The following C11orf65 variants were observed in gnomAD, a reference collection of about 807,000 sequenced individuals.
C11orf65 encodes the protein chromosome 11 open reading frame 65.
C11orf65 carries 38 observed loss-of-function variants against 35.3 expected under a neutral mutation model. That is an observed-to-expected ratio of 1.08 (90% CI 0.83 to 1.41). The LOEUF (loss-of-function observed/expected upper bound fraction) is 1.41, where lower values mean the gene tolerates loss of function less well. Ranked by LOEUF, C11orf65 falls within the 40% of genes most tolerant of loss-of-function variation. C11orf65 has a pLI of 0.00. For missense variants in C11orf65, 370 were observed against 367.1 expected (o/e 1.01, Z -0.06); for synonymous variants, 105 against 114.4 (o/e 0.92, Z 0.53).
chr11:108,326,011 G>A (rs763159103), intron 6 of C11orf65: 2 of 1,587,086 alleles, frequency 1.3e-6, no homozygotes, highest in Non-Finnish European at 1.7e-6. Flanking sequence ...CATGGTAGTA[G>A]TATCAGTAGT....
At chr11:108,350,637 C>T (rs1462324529) in intron 2 of C11orf65, among the ~76,000 whole-genome samples, 1 of 152,064 alleles carries the variant, frequency 6.6e-6, no homozygotes, top group Non-Finnish European at 1.5e-5. Flanking sequence ...CAACATTCAG[C>T]GAATGTGAGA....
chr11:108,445,041 G>A (rs951358867), intron 2 of C11orf65, among the ~76,000 whole-genome samples: 3 of 152,238 alleles, frequency 2.0e-5, no homozygotes, highest in Non-Finnish European at 4.4e-5. Context: ...CTGCAAGGCA[G>A]CAGCAAGGCT....
intron 6 of C11orf65, among the ~76,000 whole-genome samples, chr11:108,395,761 C>T (rs1281308333): frequency 3.3e-5 from 5 of 151,312 alleles, no homozygotes; most frequent in African/African-American, 1.2e-4. Flanking sequence ...GCTGGGACTA[C>T]AGGCGCCTGC....
chr11:108,456,922 A>G (rs939629565), intron 2 of C11orf65, among the ~76,000 whole-genome samples: 1 of 152,224 alleles, frequency 6.6e-6, no homozygotes, highest in Non-Finnish European at 1.5e-5. Flanking sequence ...TATTCAACAC[A>G]TATAGTATTT....
intron 1 of C11orf65, among the ~76,000 whole-genome samples, chr11:108,466,763 G>A (rs2093544334): frequency 6.6e-6 from 1 of 151,808 alleles, no homozygotes; most frequent in Non-Finnish European, 1.5e-5. Flanking sequence ...TTATTTTTAC[G>A]CTTCGTGGAA....
At chr11:108,368,829 AT>A (rs2138046490) in intron 2 of C11orf65, 1 of 203,844 alleles carries the variant, frequency 4.9e-6, no homozygotes, top group Non-Finnish European at 1.0e-5. Context: ...CCTAAAATGT[AT>A]GCACTTAGGA....
chr11:108,469,079 C>T (rs1033959164), upstream of C11orf65, among the ~76,000 whole-genome samples: 7 of 151,498 alleles, frequency 4.6e-5, no homozygotes, highest in Non-Finnish European at 8.8e-5. Flanking sequence ...CTCCTGGTGG[C>T]GCGCTGCCTG....
At chr11:108,463,264 G>T (rs573648489) in intron 1 of C11orf65, among the ~76,000 whole-genome samples, 1 of 152,168 alleles carries the variant, frequency 6.6e-6, no homozygotes, top group South Asian at 2.1e-4. Flanking sequence ...AGGCTAAACA[G>T]AAAACTTTCA....
chr11:108,455,832 A>AAC (rs1186911739), intron 2 of C11orf65, among the ~76,000 whole-genome samples: 1 of 149,672 alleles, frequency 6.7e-6, no homozygotes, highest in African/African-American at 2.5e-5. Context: ...AAAAAAAAAA[A>AAC]AAAAAAAACA....
chr11:108,358,383 C>T (rs2090290694), intron 2 of C11orf65, among the ~76,000 whole-genome samples: 1 of 147,020 alleles, frequency 6.8e-6, no homozygotes, highest in African/African-American at 2.5e-5. Context: ...AGGATATTAT[C>T]CAGGAGAACT....
At chr11:108,455,584 G>A (rs139179319) in intron 2 of C11orf65, among the ~76,000 whole-genome samples, 1,670 of 151,666 alleles carry the variant, frequency 0.011, 39 homozygotes, top group African/African-American at 0.038. Context: ...TTGGGAGGTC[G>A]AGGCGGGCGG....
intron 2 of C11orf65, among the ~76,000 whole-genome samples, chr11:108,370,541 T>G (rs929547904): frequency 1.3e-5 from 2 of 149,580 alleles, no homozygotes; most frequent in African/African-American, 5.1e-5. Context: ...TATTGGGACA[T>G]TCTAGTCCTG....
At chr11:108,422,638 C>T (rs2092835882) in intron 3 of C11orf65, among the ~76,000 whole-genome samples, 1 of 152,088 alleles carries the variant, frequency 6.6e-6, no homozygotes, top group Non-Finnish European at 1.5e-5. Flanking sequence ...AATCCCAGCA[C>T]TTTGGGAGGC....
intron 2 of C11orf65, among the ~76,000 whole-genome samples, chr11:108,337,793 T>C (rs1197472884): frequency 6.6e-6 from 1 of 152,246 alleles, no homozygotes; most frequent in Non-Finnish European, 1.5e-5. Flanking sequence ...TACCAAACTT[T>C]TAGATGACAA....
At chr11:108,468,420 T>A (rs1311121943), upstream of C11orf65, among the ~76,000 whole-genome samples, 1 of 152,246 alleles carries the variant, frequency 6.6e-6, no homozygotes, top group East Asian at 1.9e-4. Context: ...AGTGCTTTAG[T>A]TGGTCACAGA....
chr11:108,453,628 G>T (rs1171036235), intron 2 of C11orf65, among the ~76,000 whole-genome samples: 2 of 152,164 alleles, frequency 1.3e-5, no homozygotes, highest in Admixed American at 1.3e-4. Flanking sequence ...TGTTCTTTCA[G>T]ACAAGAAGTA....
intron 1 of C11orf65, among the ~76,000 whole-genome samples, chr11:108,464,421 C>T (rs1312077453): frequency 6.6e-6 from 1 of 150,450 alleles, no homozygotes; most frequent in African/African-American, 2.4e-5. Context: ...CTTAGCCTCC[C>T]CGCGATTTCC....
intron 3 of C11orf65, among the ~76,000 whole-genome samples, chr11:108,421,593 G>A (rs984288888): frequency 2.6e-5 from 4 of 152,128 alleles, no homozygotes; most frequent in African/African-American, 9.7e-5. Flanking sequence ...GGGAGGCGAA[G>A]GTTGCAGTGA....
At chr11:108,432,997 T>C (rs750145924) in intron 2 of C11orf65, among the ~76,000 whole-genome samples, 5 of 152,114 alleles carry the variant, frequency 3.3e-5, no homozygotes, top group Non-Finnish European at 7.3e-5. Flanking sequence ...GACTCATACA[T>C]GTGGCCTTAG....
Sources: allele counts gnomAD v4.1 joint callset (sites outside exome capture counted in the v4.1 genomes callset), GRCh38; gene constraint gnomAD v4.1.1; transcripts MANE v1.5; gene names NCBI Gene and HGNC (gene_info 2026-07-23, HGNC 2026-07-21).